Variants in TRIM9 observed in about 807,000 individuals in gnomAD.
TRIM9 encodes the protein E3 ubiquitin-protein ligase TRIM9.
Under a neutral mutation model 78.3 loss-of-function variants are expected in TRIM9, and 26 were observed. The observed-to-expected ratio is 0.33, with a 90% CI of 0.24 to 0.46. TRIM9 has a LOEUF of 0.46. Among genes scored for constraint, TRIM9 ranks in the 20% least tolerant of loss-of-function variants. TRIM9 has a pLI of 1.00. For missense variants in TRIM9, 787 were observed against 1,036.4 expected, an observed-to-expected ratio of 0.76 and a Z score of 3.30; for synonymous variants, 398 against 416.5, an observed-to-expected ratio of 0.96 and a Z score of 0.54.
intron 1 of TRIM9, 112 bp from the exon 2 acceptor site, chr14:51,025,472 G>A (rs1229954431): frequency 2.2e-6 from 2 of 911,842 alleles, no homozygotes; most frequent in East Asian, 5.0e-5. Flanking sequence ...TCTTGTCTGA[G>A]GTTGGACCTT....
At chr14:51,049,575 C>A (rs1460895865) in intron 1 of TRIM9, among the ~76,000 whole-genome samples, 1 of 152,066 alleles carries the variant, frequency 6.6e-6, no homozygotes, top group Non-Finnish European at 1.5e-5. Context: ...TGCCTGTAAT[C>A]CCAGCACTTT....
At chr14:51,029,798 A>G (rs1349946541) in intron 1 of TRIM9, among the ~76,000 whole-genome samples, 3 of 152,190 alleles carry the variant, frequency 2.0e-5, no homozygotes, top group African/African-American at 7.2e-5. Flanking sequence ...TTCACCACTC[A>G]CATACGGAAC....
At chr14:51,056,809 G>C (rs1161443163) in intron 1 of TRIM9, among the ~76,000 whole-genome samples, 2 of 152,010 alleles carry the variant, frequency 1.3e-5, no homozygotes, top group African/African-American at 2.4e-5. Flanking sequence ...TATCATTGCT[G>C]TCTTGTCACA....
intron 1 of TRIM9, among the ~76,000 whole-genome samples, chr14:51,040,726 G>A (rs2059521880): frequency 6.6e-6 from 1 of 152,146 alleles, no homozygotes; most frequent in African/African-American, 2.4e-5. Context: ...TTGATTATGA[G>A]TTTGAGAAGC....
At chr14:51,051,126 G>A (rs1418169041) in intron 1 of TRIM9, among the ~76,000 whole-genome samples, 2 of 152,156 alleles carry the variant, frequency 1.3e-5, no homozygotes, top group African/African-American at 4.8e-5. Flanking sequence ...AAAAGTCATT[G>A]CAGAGTTTTA....
intron 1 of TRIM9, among the ~76,000 whole-genome samples, chr14:51,026,009 A>T (rs1313851395): frequency 6.6e-6 from 1 of 152,066 alleles, no homozygotes; most frequent in Non-Finnish European, 1.5e-5. Context: ...CATCCATACG[A>T]GGAGGCAGTT....
intron 7 of TRIM9, chr14:50,996,637 C>T (rs2054242335): frequency 2.0e-6 from 2 of 985,314 alleles, no homozygotes; most frequent in South Asian, 9.4e-5. Context: ...CAAGGGCCTT[C>T]TGCGTTGCAT....
At chr14:51,072,857 G>A (rs1231369986) in intron 1 of TRIM9, among the ~76,000 whole-genome samples, 2 of 152,160 alleles carry the variant, frequency 1.3e-5, no homozygotes, top group African/African-American at 4.8e-5. Flanking sequence ...AATGTACCGT[G>A]TAGGAGATGA....
At chr14:51,014,012 C>T (rs975633128) in intron 3 of TRIM9, among the ~76,000 whole-genome samples, 23 of 152,130 alleles carry the variant, frequency 1.5e-4, no homozygotes, top group African/African-American at 5.6e-4. Context: ...ATGACATCTG[C>T]CCTTGACTAC....
intron 1 of TRIM9, among the ~76,000 whole-genome samples, chr14:51,038,449 C>T (rs2059336203): frequency 6.6e-6 from 1 of 152,160 alleles, no homozygotes; most frequent in Admixed American, 6.5e-5. Context: ...TGGATGCTTA[C>T]CACCTTTGGC....
chr14:51,069,367 T>G (rs1453668083), intron 1 of TRIM9, among the ~76,000 whole-genome samples: 3 of 152,184 alleles, frequency 2.0e-5, no homozygotes, highest in Non-Finnish European at 2.9e-5. Context: ...ATTTTTTTTG[T>G]CACAACTCAG....
intron 1 of TRIM9, among the ~76,000 whole-genome samples, chr14:51,034,852 C>T (rs2139907970): frequency 6.6e-6 from 1 of 152,208 alleles, no homozygotes; most frequent in Middle Eastern, 3.4e-3. Context: ...CTTTCCTTTC[C>T]TTAAGTTTTC....
intron 3 of TRIM9, among the ~76,000 whole-genome samples, chr14:51,016,774 T>C (rs2057255112): frequency 6.6e-6 from 1 of 152,094 alleles, no homozygotes. Flanking sequence ...CCAAAGAGGC[T>C]GGGGACCAGT....
intron 1 of TRIM9, among the ~76,000 whole-genome samples, chr14:51,053,593 T>TAAA (rs371891918): frequency 1.7e-5 from 2 of 114,996 alleles, no homozygotes; most frequent in Non-Finnish European, 3.4e-5. Context: ...TTTTTTTTTT[T>TAAA]AATTTTTTTT....
chr14:51,048,096 A>C (rs1461390167), intron 1 of TRIM9, among the ~76,000 whole-genome samples: 1 of 152,234 alleles, frequency 6.6e-6, no homozygotes, highest in Admixed American at 6.5e-5. Context: ...TACTCACACA[A>C]GACTATTCTC....
At position 51,001,381 on chromosome 14, in the gene TRIM9, C is replaced by A. The variant is rs1414748795; in HGVS notation, c.1307-541G>T. 6.0e-5 allele frequency among the ~76,000 whole-genome samples: 9 copies of A among 151,092 alleles called. No homozygotes were observed. In the East Asian group the frequency reaches 1.7e-3, roughly 29 times the overall value. ...AGTAGCTGGGACTACAGGCGCCCGC[C>A]ACCACGCCCGGCTAATTTTTTGTAT... On this transcript the variant is annotated intron_variant, in intron 5 of 12. Transcript: ENST00000684578.
chr14:51,080,851 G>C (rs946366010), intron 1 of TRIM9, among the ~76,000 whole-genome samples: 1 of 152,260 alleles, frequency 6.6e-6, no homozygotes, highest in African/African-American at 2.4e-5. Flanking sequence ...CTATATCCAG[G>C]GACCCTGATA....
intron 3 of TRIM9, among the ~76,000 whole-genome samples, chr14:51,011,292 G>GT (rs1194325600): frequency 6.6e-6 from 1 of 152,108 alleles, no homozygotes; most frequent in Non-Finnish European, 1.5e-5. Flanking sequence ...TCCTTGAACA[G>GT]TTTTTTTCTT....
At chr14:51,030,357 T>G (rs1235661080) in intron 1 of TRIM9, among the ~76,000 whole-genome samples, 1 of 152,208 alleles carries the variant, frequency 6.6e-6, no homozygotes. Context: ...CCTTCTCCGG[T>G]TTCTCTGGTG....
Sources: allele counts gnomAD v4.1 joint callset (sites outside exome capture counted in the v4.1 genomes callset), GRCh38; gene constraint gnomAD v4.1.1; transcripts MANE v1.5; gene names NCBI Gene and HGNC (gene_info 2026-07-23, HGNC 2026-07-21).